Variants in DGCR6L observed in about 807,000 individuals in gnomAD.
DGCR6L encodes protein DGCR6L.
DGCR6L carries 24 observed loss-of-function variants against 31.1 expected under a neutral mutation model. That is an observed-to-expected ratio of 0.77 (90% CI 0.56 to 1.08). The LOEUF is 1.08. Among genes scored for constraint, DGCR6L ranks in the 50% least tolerant of loss-of-function variants. DGCR6L has a pLI of 0.00. For missense variants in DGCR6L, 218 were observed against 287.1 expected (o/e 0.76, Z 1.74); for synonymous variants, 104 against 126.1 (o/e 0.82, Z 1.17).
intron 2 of DGCR6L, chr22:20,318,573 A>C (rs1359556650): frequency 1.3e-5 from 2 of 152,218 alleles, no homozygotes; most frequent in African/African-American, 2.4e-5. Flanking sequence ...ATAAAGCAAC[A>C]ATTTGCCACA....
intron 2 of DGCR6L, chr22:20,318,243 C>T (rs1195633913): frequency 6.5e-6 from 1 of 152,718 alleles, no homozygotes; most frequent in African/African-American, 2.4e-5. Flanking sequence ...ACACACCAAT[C>T]CTGGAGCAGA....
In DGCR6L at chr22:20,316,158, G is replaced by A. The variant is rs368062289; in HGVS notation, c.333C>T (p.Asn111=). 3.7e-6 allele frequency: 6 copies of A among 1,611,118 alleles called. No homozygotes were observed. Among genetic ancestry groups the A allele is most frequent in the Non-Finnish European group, 5.1e-6 (6 of 1,179,524 alleles). The change falls in exon 3 of 5, where the codon AAC becomes AAT. Residue 111 remains asparagine, a synonymous_variant. Coordinates refer to ENST00000248879, the MANE Select transcript of DGCR6L (RefSeq NM_033257.4). ...GCTGAGCCGCCTGAACCACAGGCAG[G>A]TTGTGGGGCCGGCAGGCCTGCTGGG... ...QEAQQACRPH[N]LPVVQAAQQR...
chr22:20,315,169 G>A, intron 4 of DGCR6L, 167 bp downstream of exon 4: 1 of 1,484,852 alleles, frequency 6.7e-7, no homozygotes. Context: ...TAGGGAATGG[G>A]CCTGGCCTCC....
chr22:20,315,554 C>T, intron 3 of DGCR6L, 78 bp from the exon 4 acceptor site: 3 of 1,552,200 alleles, frequency 1.9e-6, no homozygotes, highest in Non-Finnish European at 2.6e-6. Flanking sequence ...GAGGGCAGCT[C>T]AAACACATGC....
chr22:20,319,679 G>C lies in DGCR6L; in HGVS notation c.231C>G (p.Ser77Arg). Reference protein sequence around the residue: ...LLEIQHLTEKSLYNQRLRLQN... With the variant: ...LLEIQHLTEKRLYNQRLRLQN... ...GTAGGCGCAGGCGCTGGTTGTACAGGCTCTTTTCGGTGAGGTGCTGGATCT... is the reference window on the plus strand; with the variant it reads ...GTAGGCGCAGGCGCTGGTTGTACAGCCTCTTTTCGGTGAGGTGCTGGATCT... The change falls in exon 2 of 5, where the codon AGC becomes AGG. Residue 77 changes from serine to arginine, a missense_variant. Physicochemically the swap from Ser to Arg is moderately radical, Grantham distance 110. Transcript: ENST00000248879. The C allele has an allele frequency of 1.2e-6, 2 of 1,612,102 alleles. No homozygotes were observed. The highest frequency in any genetic ancestry group is 1.7e-6 in the Non-Finnish European group (2 of 1,179,898).
rs765104802 is a variant in DGCR6L, at chr22:20,320,034, A to G, written c.-46T>C. 7.4e-6 allele frequency: 11 copies of G among 1,491,374 alleles called. No individual in the cohort carries two copies. In the African/African-American group the frequency reaches 1.1e-4, roughly 16 times the overall value. 92.4% of individuals were successfully genotyped at this position (1,491,374 alleles called of 1,614,324 possible). A position where few individuals can be genotyped will look rare whatever the true frequency, so the allele number is the denominator to read the frequency against. On this transcript the variant is annotated 5_prime_UTR_variant, in exon 1 of 5. Coordinates refer to ENST00000248879, the MANE Select transcript of DGCR6L (RefSeq NM_033257.4). The stretch of plus-strand genomic sequence containing the variant: ...GCCGGCGGCGGCGACGAGCTCCCCC[A>G]GCTTCACGACATCCCGAGCGCGGCG...
intron 2 of DGCR6L, among the ~76,000 whole-genome samples, chr22:20,319,336 C>T (rs1489446216): frequency 6.6e-6 from 1 of 152,256 alleles, no homozygotes; most frequent in Non-Finnish European, 1.5e-5. Context: ...CCAGAGTCTG[C>T]CTGCAGGCCA....
At position 20,319,830 on chromosome 22, in the gene DGCR6L, C is replaced by A; in HGVS notation, c.111-31G>T. The A allele has an allele frequency of 5.6e-6, 9 of 1,598,392 alleles. No individual in the cohort carries two copies. The East Asian group carries it at 6.8e-5, about 12-fold the overall frequency. On this transcript the variant is annotated intron_variant, in intron 1 of 4. Coordinates refer to ENST00000248879, the MANE Select transcript of DGCR6L (RefSeq NM_033257.4). ...GGTAGGGGGGCGCGGTGAGCCCCGG[C>A]GGGAAACGAAGCCGCCTCCGCAGGC...
chr22:20,316,204 A>C lies in DGCR6L; in HGVS notation c.287T>G (p.Leu96Arg). 1 of 1,606,048 alleles carries C rather than the reference A, an allele frequency of 6.2e-7. No individual in the cohort carries two copies. Among genetic ancestry groups the C allele is most frequent in the Non-Finnish European group, 8.5e-7 (1 of 1,177,854 alleles). The change falls in exon 3 of 5, where the codon CTG (leucine) becomes CGG (arginine). Residue 96 changes from leucine to arginine, a missense_variant. Around this residue, in one of 4 missense-constraint regions of DGCR6L, gnomAD observed 78 missense variants for 90.0 expected, o/e 0.87. Transcript: ENST00000248879. ...QNEHRVLRQA[L>R]RQKHQEAQQA... ...CTGGGCTTCCTGGTGCTTCTGCCGC[A>C]GCGCCTGCCTGAGCACTGGGAGGGA...
In DGCR6L at chr22:20,320,026, G is replaced by T. The variant is rs954804218; in HGVS notation, c.-38C>A. 6.7e-7 allele frequency: 1 copy of T among 1,499,936 alleles called. No individual in the cohort carries two copies. Among genetic ancestry groups the T allele is most frequent in the Non-Finnish European group, 8.8e-7 (1 of 1,129,952 alleles). 92.9% of individuals were successfully genotyped at this position (1,499,936 alleles called of 1,614,324 possible). A position where few individuals can be genotyped will look rare whatever the true frequency, so the allele number is the denominator to read the frequency against. On this transcript the variant is annotated 5_prime_UTR_variant, in exon 1 of 5. Transcript: ENST00000248879. ...CGCTAGCCGCCGGCGGCGGCGACGA[G>T]CTCCCCCAGCTTCACGACATCCCGA...
In DGCR6L at chr22:20,319,875, G is replaced by A. The variant is rs373464351; in HGVS notation, c.110+4C>T. 1.6e-5 allele frequency: 26 copies of A among 1,608,446 alleles called. No homozygotes were observed. The African/African-American group carries it at 3.3e-4, about 21-fold the overall frequency. ...GCAGGCCTCCGCCCGCCCCGCCTGC[G>A]TACCTGGGCAACTCCTTCACCAGGC... is the stretch of plus-strand genomic sequence containing the variant. On this transcript the variant is annotated splice_donor_region_variant and intron_variant, in intron 1 of 4. Transcript: ENST00000248879.
At chr22:20,315,601 C>T in intron 3 of DGCR6L, 125 bp from the exon 4 acceptor site, 3 of 1,414,016 alleles carry the variant, frequency 2.1e-6, no homozygotes, top group Non-Finnish European at 2.8e-6. Context: ...GCTCTGACAC[C>T]ACCGGTGCAT....
At chr22:20,319,843 CGCCTCCGCAG>C (rs752934534) in intron 1 of DGCR6L, 26 bp downstream of exon 1, 2 of 1,595,040 alleles carry the variant, frequency 1.3e-6, no homozygotes, top group Non-Finnish European at 1.7e-6. Flanking sequence ...GAAACGAAGC[CGCCTCCGCAG>C]GCCTCCGCCC....
At position 20,314,426 on chromosome 22, in the gene DGCR6L, G is replaced by C. The variant is rs549169133; in HGVS notation, c.*249C>G. 1.4e-5 allele frequency: 8 copies of C among 592,174 alleles called. No homozygotes were observed. The East Asian group carries it at 2.0e-4, about 14-fold the overall frequency. The allele number at this position is 592,174 out of a possible 1,614,324, so 36.7% of individuals were successfully genotyped here. On this transcript the variant is annotated 3_prime_UTR_variant, in exon 5 of 5. Transcript: ENST00000248879. The stretch of plus-strand genomic sequence containing the variant: ...CCCCAGTGCAGGTTGGGATGTGCCC[G>C]GTGGAGTAAGGTGTGAGAACCCCCA...
rs761231149 is a variant in DGCR6L, at chr22:20,319,749, G to A, written c.161C>T (p.Ala54Val). 6.2e-6 allele frequency: 10 copies of A among 1,612,552 alleles called. No homozygotes were observed. In the African/African-American group the frequency reaches 6.7e-5, roughly 11 times the overall value. ...TTCGAACACGGTGCCGTCGAGAAGC[G>A]CCAGGGCCAGGTCGCTGAGCGTGGT... ...SYTTLSDLAL[A>V]LLDGTVFEIV... The change falls in exon 2 of 5, where the codon GCG becomes GTG. Residue 54 changes from alanine (A) to valine (V), a missense_variant. Transcript: ENST00000248879.
chr22:20,319,909 G>T lies in DGCR6L; in HGVS notation c.80C>A (p.Ala27Glu), dbSNP rs555364512. ...CAACTCCTTCACCAGGCTCTGTAGC[G>T]CCGACAGCAACTGGTAGTGTCGCTC... Reference protein sequence around the residue: ...QQERHYQLLSALQSLVKELPS... With the variant: ...QQERHYQLLSELQSLVKELPS... The change falls in exon 1 of 5, where the codon GCG (alanine) becomes GAG (glutamate). Residue 27 changes from alanine to glutamate, a missense_variant. Physicochemically the swap from Ala to Glu is moderately radical, Grantham distance 107. Coordinates refer to ENST00000248879, the MANE Select transcript of DGCR6L (RefSeq NM_033257.4). The T allele has an allele frequency of 1.9e-6, 3 of 1,610,800 alleles. No individual in the cohort carries two copies. In the South Asian group the frequency reaches 3.3e-5, roughly 18 times the overall value.
Position 20,319,735 on chromosome 22 carries a change from T to C in DGCR6L, c.175A>G (p.Thr59Ala). Reference sequence around the variant, plus strand: ...AGCCCCTGCACGATTTCGAACACGGTGCCGTCGAGAAGCGCCAGGGCCAGG... The same window carrying C: ...AGCCCCTGCACGATTTCGAACACGGCGCCGTCGAGAAGCGCCAGGGCCAGG... ...SDLALALLDG[T>A]VFEIVQGLLE... Residue 59 changes from threonine (T) to alanine (A), a missense_variant, in exon 2 of 5, where the codon ACC (threonine) becomes GCC (alanine). Physicochemically the swap from Thr to Ala is moderately conservative, Grantham distance 58 (BLOSUM62 0). Around this residue, in one of 4 missense-constraint regions of DGCR6L, gnomAD observed 5 missense variants for 20.6 expected, o/e 0.24. Coordinates refer to ENST00000248879, the MANE Select transcript of DGCR6L (RefSeq NM_033257.4). 6.2e-7 allele frequency: 1 copy of C among 1,612,932 alleles called. No individual in the cohort carries two copies. Among genetic ancestry groups the C allele is most frequent in the Non-Finnish European group, 8.5e-7 (1 of 1,179,618 alleles).
chr22:20,319,782 A>G lies in DGCR6L; in HGVS notation c.128T>C (p.Leu43Pro), dbSNP rs748194325. 1 of 1,611,740 alleles carries G rather than the reference A, an allele frequency of 6.2e-7. No individual in the cohort carries two copies. Among genetic ancestry groups the G allele is most frequent in the Non-Finnish European group, 8.5e-7 (1 of 1,179,142 alleles). The change falls in exon 2 of 5, where the codon CTG becomes CCG. Residue 43 changes from leucine to proline, a missense_variant. Around this residue, in one of 4 missense-constraint regions of DGCR6L, gnomAD observed 77 missense variants for 71.2 expected, o/e 1.08. Transcript: ENST00000248879. ...KELPSSFQQR[L>P]SYTTLSDLAL... ...CAGGTCGCTGAGCGTGGTGTAGGAC[A>G]GGCGCTGCTGGAAAGAGCTGCGGGT...
Position 20,317,892 on chromosome 22 carries a change from G to A in DGCR6L, c.272-1673C>T, listed in dbSNP as rs556303022. 4.6e-5 allele frequency among the ~76,000 whole-genome samples: 7 copies of A among 152,274 alleles called. No individual in the cohort carries two copies. In the East Asian group the frequency reaches 1.4e-3, roughly 29 times the overall value. ...AAAGACAATCGCCCAGACATTTAGG[G>A]GAAGAAGTAATGCCAATTCTACACA... On this transcript the variant is annotated intron_variant, in intron 2 of 4. Transcript: ENST00000248879.
Sources: gnomAD v4.1 joint callset for allele counts (sites outside exome capture counted in the v4.1 genomes callset) on GRCh38, gnomAD v4.1.1 for gene constraint, gnomAD v4.1.1 regional missense constraint, MANE v1.5 for transcripts, NCBI Gene and HGNC (gene_info 2026-07-23, HGNC 2026-07-21) for gene names.